TSHZ3: variants seen among roughly 807,000 people sequenced by gnomAD.
The protein encoded by TSHZ3 is teashirt zinc finger homeobox 3.
Under a neutral mutation model 64.5 loss-of-function variants are expected in TSHZ3, and 10 were observed. The ratio of observed to expected loss-of-function variants is 0.16; its 90% CI spans 0.10 to 0.26. The LOEUF is 0.26. Among genes scored for constraint, TSHZ3 ranks in the 10% least tolerant of loss-of-function variants. The pLI is 1.00. For synonymous variants in TSHZ3, 608 were observed against 593.1 expected (o/e 1.03, Z -0.36); for missense variants, 1,242 against 1,421.7 (o/e 0.87, Z 2.03).
chr19:31,165,848 A>G (rs1490955630), intron 5 of TSHZ3, among the ~76,000 whole-genome samples: 3 of 152,192 alleles, frequency 2.0e-5, no homozygotes, highest in Non-Finnish European at 4.4e-5. Flanking sequence ...TTTTATTTGT[A>G]TTGGTAAAAC....
At chr19:31,232,175 G>A (rs1263603024) in intron 3 of TSHZ3, among the ~76,000 whole-genome samples, 1 of 152,130 alleles carries the variant, frequency 6.6e-6, no homozygotes, top group Non-Finnish European at 1.5e-5. Flanking sequence ...CAAGAATGTG[G>A]TGGGTTCTCT....
At chr19:31,299,416 G>A (rs11883254) in intron 1 of TSHZ3, among the ~76,000 whole-genome samples, 78,233 of 152,156 alleles carry the variant, frequency 0.51, 21,703 homozygotes, top group African/African-American at 0.73. Flanking sequence ...AATGTCACAC[G>A]TGTAGCAAGG....
intron 4 of TSHZ3, among the ~76,000 whole-genome samples, chr19:31,227,147 T>G (rs1599593583): frequency 6.6e-6 from 1 of 151,776 alleles, no homozygotes; most frequent in Non-Finnish European, 1.5e-5. Context: ...CCTGGATAAC[T>G]TTTTGTATTT....
At chr19:31,166,822 C>A (rs1599556215) in intron 5 of TSHZ3, among the ~76,000 whole-genome samples, 1 of 152,200 alleles carries the variant, frequency 6.6e-6, no homozygotes, top group Admixed American at 6.5e-5. Context: ...AGCTCACAAG[C>A]CACATGCTTA....
intron 1 of TSHZ3, among the ~76,000 whole-genome samples, chr19:31,297,904 G>A (rs1032019364): frequency 5.3e-5 from 8 of 152,146 alleles, no homozygotes; most frequent in African/African-American, 1.9e-4. Flanking sequence ...GTACTCACAG[G>A]TCCAGTGGTT....
In TSHZ3 at chr19:31,349,176, G is replaced by C; in HGVS notation, c.40+4C>G. ...GAGCAGAAGGAAGGGGAAGCGGCTC[G>C]TACCTGCTGCGCGCCGGGGCGCCTG... On this transcript the variant is annotated splice_donor_region_variant and intron_variant, in intron 1 of 1. Coordinates refer to ENST00000240587, the MANE Select transcript of TSHZ3 (RefSeq NM_020856.4). 1 of 1,542,346 alleles carries C rather than the reference G, an allele frequency of 6.5e-7. No individual in the cohort carries two copies. Among genetic ancestry groups the C allele is most frequent in the South Asian group, 1.2e-5 (1 of 83,122 alleles).
intron 5 of TSHZ3, among the ~76,000 whole-genome samples, chr19:31,163,254 G>A (rs968313139): frequency 6.6e-6 from 1 of 152,166 alleles, no homozygotes; most frequent in African/African-American, 2.4e-5. Flanking sequence ...TGGATGGATG[G>A]GGCCAGATAA....
chr19:31,179,515 T>C (rs1974666333), intron 5 of TSHZ3, among the ~76,000 whole-genome samples: 1 of 152,076 alleles, frequency 6.6e-6, no homozygotes, highest in African/African-American at 2.4e-5. Flanking sequence ...AGAAAGTAGA[T>C]TTGGAGGGGG....
chr19:31,179,810 T>TG (rs1319677903), intron 5 of TSHZ3, among the ~76,000 whole-genome samples: 1 of 129,282 alleles, frequency 7.7e-6, no homozygotes, highest in Non-Finnish European at 1.6e-5. Context: ...ACAATGATGA[T>TG]GGTGGTGGTG....
At chr19:31,235,875 T>C (rs1391991239) in intron 3 of TSHZ3, among the ~76,000 whole-genome samples, 1 of 151,682 alleles carries the variant, frequency 6.6e-6, no homozygotes, top group African/African-American at 2.4e-5. Context: ...CCAACACACC[T>C]GGCTAATTTT....
chr19:31,280,340 T>C (rs1046786376), intron 1 of TSHZ3, among the ~76,000 whole-genome samples: 38 of 152,070 alleles, frequency 2.5e-4, no homozygotes, highest in Admixed American at 9.2e-4. Flanking sequence ...TTTGTGGCTT[T>C]TTTTTTTTCT....
At chr19:31,339,796 G>GAA (rs11386289) in intron 1 of TSHZ3, among the ~76,000 whole-genome samples, 6 of 140,614 alleles carry the variant, frequency 4.3e-5, no homozygotes, top group Admixed American at 7.1e-5. Context: ...TGGCAAAAAG[G>GAA]AAAAAAAAAA....
At chr19:31,313,024 CG>C (rs75498115) in intron 1 of TSHZ3, among the ~76,000 whole-genome samples, 51,403 of 151,834 alleles carry the variant, frequency 0.34, 8,737 homozygotes, top group East Asian at 0.47. Context: ...TGAGTTAAAA[CG>C]TGTGTAAACA....
rs114466487 is a variant in TSHZ3 at position 31,325,943 on chromosome 19, G to A, written c.40+23237C>T. On this transcript the variant is annotated intron_variant, in intron 1 of 1. Coordinates refer to ENST00000240587, the MANE Select transcript of TSHZ3 (RefSeq NM_020856.4). ...CATAGATTTGCCACCATTTTATTAT[G>A]TACAATGTAATATACACAGCAAAGT... 4.5e-3 allele frequency among the ~76,000 whole-genome samples: 692 copies of A among 152,302 alleles called. 5 individuals are homozygous for A. Among genetic ancestry groups the A allele is most frequent in the African/African-American group, 0.016 (658 of 41,572 alleles).
At chr19:31,205,508 G>C (rs1975153968) in intron 4 of TSHZ3, among the ~76,000 whole-genome samples, 1 of 152,218 alleles carries the variant, frequency 6.6e-6, no homozygotes, top group African/African-American at 2.4e-5. Flanking sequence ...GGAGGACCCA[G>C]AGAGCTCTTT....
intron 5 of TSHZ3, among the ~76,000 whole-genome samples, chr19:31,200,832 G>C (rs538969443): frequency 1.3e-5 from 2 of 152,244 alleles, no homozygotes; most frequent in East Asian, 1.9e-4. Flanking sequence ...GTGTGGGAAG[G>C]GGGGTGCATG....
rs535417079 is a variant in TSHZ3, at chr19:31,205,204, G to C, written n.687-126C>G. On this transcript the variant is annotated intron_variant and non_coding_transcript_variant, in intron 4 of 6. Coordinates refer to the TSHZ3 transcript ENST00000651361. Reference sequence around the variant, plus strand: ...GAGCAGCCACCCTTCACCAGGTTTGGGGCCAAGTGCCTTACACTTGTTACC... The same window carrying C: ...GAGCAGCCACCCTTCACCAGGTTTGCGGCCAAGTGCCTTACACTTGTTACC... 2.2e-4 allele frequency among the ~76,000 whole-genome samples: 34 copies of C among 152,170 alleles called. No homozygotes were observed. The South Asian group carries it at 6.6e-3, about 30-fold the overall frequency.
At chr19:31,205,686 C>G (rs1975157816) in intron 4 of TSHZ3, among the ~76,000 whole-genome samples, 1 of 152,224 alleles carries the variant, frequency 6.6e-6, no homozygotes, top group Non-Finnish European at 1.5e-5. Context: ...GACTGCCCGA[C>G]CCTCCATCTG....
intron 1 of TSHZ3, among the ~76,000 whole-genome samples, chr19:31,312,089 G>A (rs1916474417): frequency 6.6e-6 from 1 of 152,184 alleles, no homozygotes; most frequent in African/African-American, 2.4e-5. Flanking sequence ...TTCCCCATCT[G>A]TAAAACAGGC....
Sources: allele counts gnomAD v4.1 joint callset (sites outside exome capture counted in the v4.1 genomes callset), GRCh38; gene constraint gnomAD v4.1.1; transcripts MANE v1.5; gene names NCBI Gene and HGNC (gene_info 2026-07-23, HGNC 2026-07-21).